RGS17: variants seen among roughly 807,000 people sequenced by gnomAD.
RGS17 encodes regulator of G-protein signaling 17.
Under a neutral mutation model 25.5 loss-of-function variants are expected in RGS17, and 12 were observed. The ratio of observed to expected loss-of-function variants is 0.47; its 90% confidence interval spans 0.30 to 0.76. RGS17 has a LOEUF of 0.76. Among genes scored for constraint, RGS17 ranks in the 30% least tolerant of loss-of-function variants. RGS17 has a pLI of 0.07. For missense variants in RGS17, 196 were observed against 242.2 expected (o/e 0.81, Z 1.27); for synonymous variants, 71 against 76.9 (o/e 0.92, Z 0.40).
At chr6:153,079,828 CCTTTT>C (rs1424804914) in intron 1 of RGS17, among the ~76,000 whole-genome samples, 2 of 151,702 alleles carry the variant, frequency 1.3e-5, no homozygotes, top group Non-Finnish European at 2.9e-5. Flanking sequence ...AAGTGTTCCT[CCTTTT>C]ATTTTTTGAA....
At chr6:153,020,118 A>ATATATATATATT (rs1779228238) in intron 4 of RGS17, among the ~76,000 whole-genome samples, 1 of 78,830 alleles carries the variant, frequency 1.3e-5, no homozygotes, top group African/African-American at 5.8e-5. Context: ...AAAAATATAT[A>ATATATATATATT]TATATATATA....
At chr6:153,089,373 T>C (rs1174717849) in intron 1 of RGS17, among the ~76,000 whole-genome samples, 2 of 152,152 alleles carry the variant, frequency 1.3e-5, no homozygotes, top group South Asian at 2.1e-4. Context: ...CATCTAGAAA[T>C]AGAAATAAGT....
chr6:153,122,847 G>A (rs1777652257), intron 1 of RGS17, among the ~76,000 whole-genome samples: 1 of 151,558 alleles, frequency 6.6e-6, no homozygotes, highest in Non-Finnish European at 1.5e-5. Flanking sequence ...AATCATAAGA[G>A]AGTGTGGGGA....
chr6:153,040,274 A>T (rs1230084685), intron 2 of RGS17, among the ~76,000 whole-genome samples: 1 of 152,220 alleles, frequency 6.6e-6, no homozygotes, highest in Non-Finnish European at 1.5e-5. Context: ...ATTTTGAAAG[A>T]AACTGTGGAA....
In RGS17 at chr6:153,010,908, T is replaced by A. The variant is rs1779124954; in HGVS notation, c.*666A>T. The A allele has an allele frequency of 6.6e-6, 1 of 150,964 alleles. No homozygotes were observed. The highest frequency in any genetic ancestry group is 1.5e-5 in the Non-Finnish European group (1 of 67,554). The allele number at this position is 150,964 out of a possible 1,614,324, so 9.4% of individuals were successfully genotyped here. On this transcript the variant is annotated 3_prime_UTR_variant, in exon 5 of 5. Coordinates refer to ENST00000206262, the MANE Select transcript of RGS17 (RefSeq NM_012419.5). ...CTTTTTTTTTTTTTTTGTTTTTTGC[T>A]TTTAGCATAGTAAACTCTCCTGTAA...
At chr6:153,052,043 T>C (rs951767312) in intron 1 of RGS17, among the ~76,000 whole-genome samples, 3 of 152,126 alleles carry the variant, frequency 2.0e-5, no homozygotes, top group Non-Finnish European at 4.4e-5. Context: ...AAAAAAATGA[T>C]TCAGAGATCA....
At position 153,080,745 on chromosome 6, in the gene RGS17, T is replaced by C. The variant is rs1461667032; in HGVS notation, c.-25-36702A>G. 2.6e-5 allele frequency among the ~76,000 whole-genome samples: 4 copies of C among 152,090 alleles called. No individual in the cohort carries two copies. In the East Asian group the frequency reaches 5.8e-4, roughly 22 times the overall value. On this transcript the variant is annotated intron_variant, in intron 1 of 4. Transcript: ENST00000206262. ...GAAGCATTGAATGCTGTAAAAAGCATTGAATGCTGTAAAATGTCACCTAAG... is the reference window on the plus strand; with the variant it reads ...GAAGCATTGAATGCTGTAAAAAGCACTGAATGCTGTAAAATGTCACCTAAG...
intron 2 of RGS17, among the ~76,000 whole-genome samples, chr6:153,042,963 G>A (rs1214531861): frequency 6.6e-6 from 1 of 152,158 alleles, no homozygotes; most frequent in Non-Finnish European, 1.5e-5. Context: ...ACCACTGCTG[G>A]GCTAGAAGAT....
At chr6:153,123,402 C>A (rs2129127287) in intron 1 of RGS17, among the ~76,000 whole-genome samples, 1 of 152,246 alleles carries the variant, frequency 6.6e-6, no homozygotes, top group Admixed American at 6.5e-5. Flanking sequence ...TTAATTCATT[C>A]CTAATGTCAA....
At chr6:153,097,714 A>G (rs1442497085) in intron 1 of RGS17, among the ~76,000 whole-genome samples, 1 of 152,088 alleles carries the variant, frequency 6.6e-6, no homozygotes, top group African/African-American at 2.4e-5. Flanking sequence ...AGAGAAGGTC[A>G]AGAAACTCTA....
intron 1 of RGS17, among the ~76,000 whole-genome samples, chr6:153,117,014 G>A (rs1777556219): frequency 1.3e-5 from 2 of 152,148 alleles, no homozygotes; most frequent in African/African-American, 4.8e-5. Flanking sequence ...CATGGCACGT[G>A]CATACCTATG....
rs183350486 is a variant in RGS17, at chr6:153,008,034, T to C, written c.*3540A>G. ...ATAATTTGTCACAATTACAATATGA[T>C]TTTTTAAAGTATAAATAAGTTAAAG... On this transcript the variant is annotated 3_prime_UTR_variant, in exon 5 of 5. Coordinates refer to ENST00000206262, the MANE Select transcript of RGS17 (RefSeq NM_012419.5). 3.3e-5 allele frequency: 5 copies of C among 152,356 alleles called. No individual in the cohort carries two copies. The highest frequency in any genetic ancestry group is 1.2e-4 in the African/African-American group (5 of 41,582). The allele number at this position is 152,356 out of a possible 1,614,324, so 9.4% of individuals were successfully genotyped here.
chr6:153,062,983 C>T (rs951082304), intron 1 of RGS17, among the ~76,000 whole-genome samples: 2 of 152,164 alleles, frequency 1.3e-5, no homozygotes, highest in African/African-American at 4.8e-5. Context: ...CAAGGCAGTA[C>T]CTGTACAAGT....
intron 1 of RGS17, among the ~76,000 whole-genome samples, chr6:153,052,627 T>C (rs1223703179): frequency 4.0e-5 from 5 of 125,978 alleles, no homozygotes; most frequent in Non-Finnish European, 6.5e-5. Flanking sequence ...CTGATTTAGA[T>C]GATAGTTAGA....
At position 153,075,742 on chromosome 6, in the gene RGS17, G is replaced by A. The variant is rs998337341; in HGVS notation, c.-25-31699C>T. On this transcript the variant is annotated intron_variant, in intron 1 of 4. Coordinates refer to ENST00000206262, the MANE Select transcript of RGS17 (RefSeq NM_012419.5). ...AGAAAGATCTCTATAAACTGATATC[G>A]AGTAATTTTCAGCATATGTGTTAAA... Among the ~76,000 whole-genome samples the A allele has an allele frequency of 4.6e-5, 7 of 152,066 alleles. No homozygotes were observed. In the South Asian group the frequency reaches 6.2e-4, roughly 14 times the overall value.
At chr6:153,025,639 T>C (rs1415854014) in intron 3 of RGS17, among the ~76,000 whole-genome samples, 1 of 145,678 alleles carries the variant, frequency 6.9e-6, no homozygotes, top group Non-Finnish European at 1.5e-5. Flanking sequence ...TATATATATA[T>C]ATAAACATAT....
At chr6:153,051,378 A>G (rs1450336568) in intron 1 of RGS17, among the ~76,000 whole-genome samples, 1 of 152,236 alleles carries the variant, frequency 6.6e-6, no homozygotes, top group East Asian at 1.9e-4. Flanking sequence ...CTTAAAGAAT[A>G]CATATGTAAT....
intron 1 of RGS17, among the ~76,000 whole-genome samples, chr6:153,074,701 T>C (rs1776852056): frequency 6.6e-6 from 1 of 152,228 alleles, no homozygotes; most frequent in Non-Finnish European, 1.5e-5. Context: ...TTAGTTTTTG[T>C]AAATTGGATG....
At chr6:153,107,736 C>T (rs2129124653) in intron 1 of RGS17, among the ~76,000 whole-genome samples, 1 of 152,232 alleles carries the variant, frequency 6.6e-6, no homozygotes, top group African/African-American at 2.4e-5. Context: ...GGTTGGGTAC[C>T]TGCTACGTCT....
Sources: gnomAD v4.1 joint callset for allele counts (sites outside exome capture counted in the v4.1 genomes callset) on GRCh38, gnomAD v4.1.1 for gene constraint, MANE v1.5 for transcripts, NCBI Gene and HGNC (gene_info 2026-07-23, HGNC 2026-07-21) for gene names.